The following GABBR2 variants were observed in gnomAD, a reference collection of about 807,000 sequenced individuals.
GABBR2 encodes the protein gamma-aminobutyric acid type B receptor subunit 2.
A neutral mutation model predicts 105.6 loss-of-function variants in GABBR2; 23 were observed. The observed-to-expected ratio is 0.22, with a 90% CI of 0.16 to 0.31. The LOEUF (loss-of-function observed/expected upper bound fraction) is 0.31, where lower values mean the gene tolerates loss of function less well. Among genes scored for constraint, GABBR2 ranks in the 10% least tolerant of loss-of-function variants. The pLI is 1.00. For missense variants in GABBR2, 734 were observed against 1,245.5 expected (o/e 0.59, Z 6.18); for synonymous variants, 478 against 499.7 (o/e 0.96, Z 0.58).
rs117699941 is a variant in GABBR2 at position 98,694,796 on chromosome 9, C to T, written c.321+13621G>A. On this transcript the variant is annotated intron_variant, in intron 1 of 18. Coordinates refer to ENST00000259455, the MANE Select transcript of GABBR2 (RefSeq NM_005458.8). ...TAACTCTATGAAAAAGCAGAGCAGACATTACTATTCTCATTTTATAGGTGA... is the reference window on the plus strand; with the variant it reads ...TAACTCTATGAAAAAGCAGAGCAGATATTACTATTCTCATTTTATAGGTGA... 2.5e-3 allele frequency among the ~76,000 whole-genome samples: 388 copies of T among 152,276 alleles called. 2 individuals carry two copies. The highest frequency in any genetic ancestry group is 6.8e-3 in the Middle Eastern group (2 of 294).
intron 7 of GABBR2, among the ~76,000 whole-genome samples, chr9:98,442,326 G>A (rs1826046762): frequency 6.6e-6 from 1 of 152,210 alleles, no homozygotes; most frequent in Non-Finnish European, 1.5e-5. Context: ...GGGGTGGTGG[G>A]AAGTGCTGAT....
chr9:98,683,827 G>A (rs570261354), intron 1 of GABBR2, among the ~76,000 whole-genome samples: 2 of 151,922 alleles, frequency 1.3e-5, no homozygotes, highest in East Asian at 3.9e-4. Context: ...GGCTAACACG[G>A]TGAAACCCGT....
chr9:98,312,441 CA>C (rs1830650050), intron 13 of GABBR2, among the ~76,000 whole-genome samples: 1 of 152,172 alleles, frequency 6.6e-6, no homozygotes, highest in Non-Finnish European at 1.5e-5. Context: ...AGAGTCACAT[CA>C]GGGGGACGCG....
chr9:98,364,141 G>T (rs78412793), intron 12 of GABBR2, among the ~76,000 whole-genome samples: 13 of 152,198 alleles, frequency 8.5e-5, no homozygotes, highest in Non-Finnish European at 1.6e-4. Context: ...GTACCTGGGG[G>T]CAGGGCACCG....
chr9:98,560,513 T>C (rs568808187), intron 2 of GABBR2, among the ~76,000 whole-genome samples: 7 of 151,030 alleles, frequency 4.6e-5, no homozygotes, highest in African/African-American at 1.5e-4. Flanking sequence ...AAAATACACA[T>C]ACACACATAC....
At chr9:98,519,052 G>C (rs1182247040) in intron 3 of GABBR2, among the ~76,000 whole-genome samples, 1 of 152,248 alleles carries the variant, frequency 6.6e-6, no homozygotes, top group Non-Finnish European at 1.5e-5. Context: ...TGTAGAGTCT[G>C]AATGGAATTT....
At chr9:98,355,590 G>C (rs562487566) in intron 13 of GABBR2, among the ~76,000 whole-genome samples, 1 of 152,188 alleles carries the variant, frequency 6.6e-6, no homozygotes, top group South Asian at 2.1e-4. Flanking sequence ...TAAATAAATG[G>C]AGAAATATTT....
chr9:98,650,799 T>C lies in GABBR2; in HGVS notation c.321+57618A>G, dbSNP rs77247436. Among the ~76,000 whole-genome samples, 265 of 152,314 alleles carry C rather than the reference T, an allele frequency of 1.7e-3. 3 individuals are homozygous for C. In the East Asian group the frequency reaches 0.044, roughly 25 times the overall value. ...ATGCATGCTACAACATGGATGAGTT[T>C]TGAAGATACTGTGTTTAAAAAGCCA... is the stretch of plus-strand genomic sequence containing the variant. On this transcript the variant is annotated intron_variant, in intron 1 of 18. Coordinates refer to ENST00000259455, the MANE Select transcript of GABBR2 (RefSeq NM_005458.8).
At chr9:98,568,368 C>A (rs975888325) in intron 2 of GABBR2, among the ~76,000 whole-genome samples, 11 of 152,182 alleles carry the variant, frequency 7.2e-5, no homozygotes, top group Non-Finnish European at 1.2e-4. Flanking sequence ...ACAAGGGATG[C>A]TGGACACATG....
chr9:98,318,891 T>TTG (rs111952099), intron 13 of GABBR2, among the ~76,000 whole-genome samples: 6,471 of 148,336 alleles, frequency 0.044, 252 homozygotes, highest in African/African-American at 0.1. Context: ...AAATGTGAGT[T>TTG]TGTGTGTGTG....
At chr9:98,566,798 CAAAAAAAAAAAAA>C (rs55752458) in intron 2 of GABBR2, among the ~76,000 whole-genome samples, 11 of 88,206 alleles carry the variant, frequency 1.2e-4, no homozygotes, top group African/African-American at 4.4e-4. Flanking sequence ...AAGACACTGT[CAAAAAAAAAAAAA>C]AAAAAAAAAA....
At chr9:98,453,260 A>T (rs1223877730) in intron 7 of GABBR2, among the ~76,000 whole-genome samples, 1 of 152,226 alleles carries the variant, frequency 6.6e-6, no homozygotes, top group Non-Finnish European at 1.5e-5. Context: ...TCCTAACCTC[A>T]GGTGATCCAC....
intron 3 of GABBR2, among the ~76,000 whole-genome samples, chr9:98,526,092 G>T (rs999165127): frequency 2.0e-5 from 3 of 152,106 alleles, no homozygotes; most frequent in African/African-American, 7.2e-5. Context: ...GCACATTATT[G>T]TGTATATACT....
At chr9:98,689,961 A>G (rs951232410) in intron 1 of GABBR2, among the ~76,000 whole-genome samples, 1 of 152,250 alleles carries the variant, frequency 6.6e-6, no homozygotes, top group African/African-American at 2.4e-5. Flanking sequence ...CTTAAAAACA[A>G]AAATAGATAG....
At chr9:98,501,131 C>CA (rs1370015859) in intron 3 of GABBR2, among the ~76,000 whole-genome samples, 2 of 144,960 alleles carry the variant, frequency 1.4e-5, no homozygotes, top group East Asian at 4.0e-4. Context: ...CACTGCCCCC[C>CA]CCCCTTCCCC....
intron 3 of GABBR2, among the ~76,000 whole-genome samples, chr9:98,513,303 C>A (rs1186810692): frequency 6.6e-6 from 1 of 152,108 alleles, no homozygotes; most frequent in Non-Finnish European, 1.5e-5. Flanking sequence ...CATAAAAACC[C>A]TAGAAGAAAA....
intron 1 of GABBR2, among the ~76,000 whole-genome samples, chr9:98,597,206 T>C (rs1829251314): frequency 6.6e-6 from 1 of 152,160 alleles, no homozygotes; most frequent in South Asian, 2.1e-4. Context: ...TCCATACATG[T>C]TGCTCTAAAA....
intron 1 of GABBR2, among the ~76,000 whole-genome samples, chr9:98,581,780 A>G (rs1169133540): frequency 1.3e-5 from 2 of 152,210 alleles, no homozygotes; most frequent in African/African-American, 4.8e-5. Flanking sequence ...AATGACAACG[A>G]TACTACAGTA....
intron 1 of GABBR2, among the ~76,000 whole-genome samples, chr9:98,690,450 G>C (rs912277791): frequency 5.3e-5 from 8 of 152,162 alleles, no homozygotes; most frequent in Non-Finnish European, 1.2e-4. Context: ...TTCTTTATCA[G>C]TGATTGTGAG....
Sources: gnomAD v4.1 joint callset for allele counts (sites outside exome capture counted in the v4.1 genomes callset) on GRCh38, gnomAD v4.1.1 for gene constraint, MANE v1.5 for transcripts, NCBI Gene and HGNC (gene_info 2026-07-23, HGNC 2026-07-21) for gene names.